STX8: variants seen among roughly 807,000 people sequenced by gnomAD.
STX8 encodes syntaxin-8.
In STX8, 23 loss-of-function variants were observed where a neutral mutation model predicts 37.5. The observed-to-expected ratio is 0.61, with a 90% CI of 0.44 to 0.87. STX8 has a LOEUF of 0.87. STX8 is among the 40% of genes least tolerant of loss of function. The pLI is 0.00. For missense variants in STX8, 313 were observed against 284.7 expected, an observed-to-expected ratio of 1.10 and a Z score of -0.71; for synonymous variants, 115 against 99.1, an observed-to-expected ratio of 1.16 and a Z score of -0.95.
intron 7 of STX8, among the ~76,000 whole-genome samples, chr17:9,288,675 A>AAATAAAT (rs1555589288): frequency 6.6e-6 from 1 of 150,930 alleles, no homozygotes; most frequent in African/African-American, 2.4e-5. Context: ...ATAAATAAAT[A>AAATAAAT]AAATAAATAA....
intron 7 of STX8, among the ~76,000 whole-genome samples, chr17:9,338,394 T>A (rs939081417): frequency 6.6e-6 from 1 of 152,058 alleles, no homozygotes; most frequent in Non-Finnish European, 1.5e-5. Flanking sequence ...CTTGATCAGA[T>A]CCCCTGAAGA....
At chr17:9,476,576 C>G (rs1187924098) in intron 6 of STX8, among the ~76,000 whole-genome samples, 2 of 151,986 alleles carry the variant, frequency 1.3e-5, no homozygotes, top group African/African-American at 4.8e-5. Context: ...GCTCAGCCTC[C>G]CAAGTAGCTG....
intron 6 of STX8, among the ~76,000 whole-genome samples, chr17:9,387,485 G>C (rs533164129): frequency 6.6e-6 from 1 of 152,118 alleles, no homozygotes; most frequent in African/African-American, 2.4e-5. Flanking sequence ...TAGTAGACAC[G>C]GGTTTCACCG....
chr17:9,263,230 A>G (rs1398366201), intron 7 of STX8, among the ~76,000 whole-genome samples: 2 of 151,784 alleles, frequency 1.3e-5, no homozygotes, highest in Non-Finnish European at 2.9e-5. Flanking sequence ...TAATCCCAGC[A>G]CTTTGGGAGG....
At chr17:9,522,735 C>G (rs1905404485) in intron 4 of STX8, among the ~76,000 whole-genome samples, 1 of 150,980 alleles carries the variant, frequency 6.6e-6, no homozygotes, top group Non-Finnish European at 1.5e-5. Context: ...TGATATCATA[C>G]AAGCAGTGAG....
At chr17:9,382,012 C>A (rs1224806889) in intron 6 of STX8, among the ~76,000 whole-genome samples, 1 of 152,050 alleles carries the variant, frequency 6.6e-6, no homozygotes, top group East Asian at 1.9e-4. Context: ...CCTAACTTAT[C>A]CTTGTTTCTA....
intron 7 of STX8, among the ~76,000 whole-genome samples, chr17:9,342,317 A>G (rs953759998): frequency 1.3e-5 from 2 of 151,912 alleles, no homozygotes; most frequent in Non-Finnish European, 2.9e-5. Flanking sequence ...GGGGTTGGGG[A>G]CCCCTGCTCC....
intron 7 of STX8, among the ~76,000 whole-genome samples, chr17:9,353,727 G>T (rs914261973): frequency 2.0e-5 from 3 of 152,072 alleles, no homozygotes; most frequent in South Asian, 4.1e-4. Flanking sequence ...CCAACTAAGG[G>T]TGCGTAAAGT....
chr17:9,566,250 T>C (rs1413792537), intron 2 of STX8, among the ~76,000 whole-genome samples: 1 of 152,072 alleles, frequency 6.6e-6, no homozygotes, highest in African/African-American at 2.4e-5. Flanking sequence ...GAAACCACAA[T>C]GAGATACCAT....
intron 4 of STX8, among the ~76,000 whole-genome samples, chr17:9,537,687 A>G (rs1287886652): frequency 1.3e-5 from 2 of 152,198 alleles, no homozygotes; most frequent in African/African-American, 4.8e-5. Flanking sequence ...ACGCTCATTC[A>G]TTGAGCAATT....
chr17:9,341,654 C>G (rs945018531), intron 7 of STX8, among the ~76,000 whole-genome samples: 1 of 152,112 alleles, frequency 6.6e-6, no homozygotes, highest in African/African-American at 2.4e-5. Flanking sequence ...CCAGGCTGGT[C>G]TCGAACTCCT....
At chr17:9,338,731 C>A (rs117900735) in intron 7 of STX8, among the ~76,000 whole-genome samples, 3,370 of 152,190 alleles carry the variant, frequency 0.022, 75 homozygotes, top group Non-Finnish European at 0.031. Context: ...GGCCCAAGAC[C>A]CCCTGAATCG....
chr17:9,399,549 C>T (rs1912527586), intron 6 of STX8, among the ~76,000 whole-genome samples: 5 of 152,072 alleles, frequency 3.3e-5, no homozygotes, highest in Admixed American at 3.3e-4. Context: ...CCTGTTTGTC[C>T]TGTTTTGTTT....
intron 6 of STX8, among the ~76,000 whole-genome samples, chr17:9,406,600 G>A (rs1208707881): frequency 2.6e-5 from 4 of 152,132 alleles, no homozygotes; most frequent in Non-Finnish European, 4.4e-5. Flanking sequence ...GTGTTTGTGT[G>A]CATCTGTTTT....
chr17:9,568,566 T>C, intron 1 of STX8, 96 bp from the exon 2 acceptor site: 1 of 950,058 alleles, frequency 1.1e-6, no homozygotes, highest in South Asian at 1.6e-5. Context: ...AGTGGCACGA[T>C]CTCAGCTCAC....
chr17:9,411,709 C>A lies in STX8; in HGVS notation c.542-33056G>T, dbSNP rs139778821. On this transcript the variant is annotated intron_variant, in intron 6 of 7. Coordinates refer to ENST00000306357, the MANE Select transcript of STX8 (RefSeq NM_004853.3). Reference sequence around the variant, plus strand: ...GGGAGGGAGAATTTTAAGCCAAAATCGTAATTCAAGCCAATAATCTGCAAA... The same window carrying A: ...GGGAGGGAGAATTTTAAGCCAAAATAGTAATTCAAGCCAATAATCTGCAAA... 2.5e-3 allele frequency among the ~76,000 whole-genome samples: 376 copies of A among 152,258 alleles called. 3 individuals carry two copies. Among genetic ancestry groups the A allele is most frequent in the African/African-American group, 8.2e-3 (340 of 41,556 alleles).
intron 6 of STX8, among the ~76,000 whole-genome samples, chr17:9,474,950 C>A (rs12950118): frequency 6.6e-6 from 1 of 151,888 alleles, no homozygotes; most frequent in Admixed American, 6.6e-5. Flanking sequence ...CCAGCCTGGG[C>A]GACAGAGCAA....
intron 5 of STX8, among the ~76,000 whole-genome samples, chr17:9,498,344 C>T (rs150960500): frequency 0.012 from 1,803 of 150,312 alleles, 39 homozygotes; most frequent in African/African-American, 0.041. Flanking sequence ...GAGTTGAGAT[C>T]GCACCACTGC....
intron 4 of STX8, among the ~76,000 whole-genome samples, chr17:9,527,242 G>T (rs988462520): frequency 2.2e-5 from 3 of 134,856 alleles, no homozygotes; most frequent in Non-Finnish European, 3.2e-5. Flanking sequence ...CCAGGAGTTA[G>T]AATCCAGCCT....
Sources: gnomAD v4.1 joint callset for allele counts (sites outside exome capture counted in the v4.1 genomes callset) on GRCh38, gnomAD v4.1.1 for gene constraint, MANE v1.5 for transcripts, NCBI Gene and HGNC (gene_info 2026-07-23, HGNC 2026-07-21) for gene names.